Variants in CSDE1 observed in about 807,000 individuals in gnomAD.
CSDE1 encodes the protein cold shock domain containing E1.
Under a neutral mutation model 89.3 loss-of-function variants are expected in CSDE1, and 17 were observed. The ratio of observed to expected loss-of-function variants is 0.19; its 90% CI spans 0.13 to 0.29. The LOEUF (loss-of-function observed/expected upper bound fraction) is 0.29, where lower values mean the gene tolerates loss of function less well. Ranked by LOEUF, CSDE1 falls within the 10% of genes least tolerant of loss-of-function variation. CSDE1 has a pLI of 1.00. For synonymous variants in CSDE1, 322 were observed against 332.8 expected, an observed-to-expected ratio of 0.97 and a Z score of 0.35; for missense variants, 672 against 984.2, an observed-to-expected ratio of 0.68 and a Z score of 4.24.
intron 19 of CSDE1, 21 bp from the exon 20 acceptor site, chr1:114,718,237 A>C: frequency 3.1e-6 from 5 of 1,609,236 alleles, no homozygotes; most frequent in Non-Finnish European, 4.2e-6. Flanking sequence ...GAGAAAAAAA[A>C]AACCCTGCAG....
At chr1:114,720,492 C>A in intron 17 of CSDE1, 47 bp downstream of exon 17, 3 of 1,462,570 alleles carry the variant, frequency 2.1e-6, no homozygotes, top group South Asian at 1.4e-5. Flanking sequence ...TTTTGGTTAC[C>A]AACTCATAGA....
In CSDE1 at chr1:114,718,093, G is replaced by T; in HGVS notation, c.*76C>A. ...TCCAGATTTCGGGAGGGATGAAGAG[G>T]GAGATATTCAGAACCCTTCACCAGA... On this transcript the variant is annotated 3_prime_UTR_variant, in exon 20 of 20. Coordinates refer to ENST00000358528, the MANE Select transcript of CSDE1 (RefSeq NM_001007553.3). 6.8e-7 allele frequency: 1 copy of T among 1,462,988 alleles called. No individual in the cohort carries two copies. Among genetic ancestry groups the T allele is most frequent in the Non-Finnish European group, 9.6e-7 (1 of 1,045,036 alleles). The allele number at this position is 1,462,988 out of a possible 1,614,324, so 90.6% of individuals were successfully genotyped here.
chr1:114,746,167 A>G (rs1473338799), intron 2 of CSDE1, among the ~76,000 whole-genome samples: 1 of 152,202 alleles, frequency 6.6e-6, no homozygotes, highest in Non-Finnish European at 1.5e-5. Flanking sequence ...TTTTCTGAAC[A>G]CAACCATTTT....
At chr1:114,733,298 T>C (rs1469339536) in intron 9 of CSDE1, among the ~76,000 whole-genome samples, 2 of 151,952 alleles carry the variant, frequency 1.3e-5, no homozygotes, top group East Asian at 3.9e-4. Flanking sequence ...GAGGCCAAGG[T>C]GGACAGATCG....
intron 12 of CSDE1, 45 bp from the exon 13 acceptor site, chr1:114,727,135 C>T: frequency 7.3e-7 from 1 of 1,364,980 alleles, no homozygotes; most frequent in Non-Finnish European, 1.0e-6. Context: ...ATCTCAAGAA[C>T]AAAAACCAAT....
intron 1 of CSDE1, among the ~76,000 whole-genome samples, chr1:114,750,597 A>T (rs1375657829): frequency 6.6e-6 from 1 of 152,226 alleles, no homozygotes; most frequent in African/African-American, 2.4e-5. Flanking sequence ...CATGGAAAAA[A>T]AAAACAGAGT....
intron 1 of CSDE1, among the ~76,000 whole-genome samples, chr1:114,757,437 G>A (rs951137819): frequency 6.6e-6 from 1 of 152,080 alleles, no homozygotes; most frequent in African/African-American, 2.4e-5. Flanking sequence ...AGTCAAAGTA[G>A]GCCCCTCTTC....
At chr1:114,737,317 T>G (rs979773580) in intron 5 of CSDE1, among the ~76,000 whole-genome samples, 154 bp downstream of exon 5, 5 of 152,184 alleles carry the variant, frequency 3.3e-5, no homozygotes, top group African/African-American at 1.2e-4. Context: ...TCTTTTTAAA[T>G]TTTTTGATTA....
chr1:114,731,931 C>G (rs981838579), intron 10 of CSDE1, among the ~76,000 whole-genome samples: 1 of 152,168 alleles, frequency 6.6e-6, no homozygotes, highest in Admixed American at 6.5e-5. Context: ...TCTCCTGTCT[C>G]AGCCTCCTGA....
rs530853347 is a variant in CSDE1, at chr1:114,754,762, C to G, written c.-388+3163G>C. On this transcript the variant is annotated intron_variant, in intron 1 of 19. Coordinates refer to ENST00000358528, the MANE Select transcript of CSDE1 (RefSeq NM_001007553.3). ...GTAAAAATAAAAAATCAAACTGACA[C>G]AACTATCTTTTTGTATCTGTGTAGT... Among the ~76,000 whole-genome samples the G allele has an allele frequency of 3.7e-4, 57 of 152,334 alleles. 1 individual carries two copies. The highest frequency in any genetic ancestry group is 3.4e-3 in the Middle Eastern group (1 of 294).
At chr1:114,721,403 A>G (rs1659513209) in intron 16 of CSDE1, among the ~76,000 whole-genome samples, 1 of 152,232 alleles carries the variant, frequency 6.6e-6, no homozygotes, top group South Asian at 2.1e-4. Flanking sequence ...CCTGCCCTAC[A>G]GTATGAAGTT....
chr1:114,737,226 T>TA (rs1660454112), intron 5 of CSDE1, among the ~76,000 whole-genome samples: 2 of 151,990 alleles, frequency 1.3e-5, no homozygotes, highest in African/African-American at 4.8e-5. Flanking sequence ...AAAAAGTGAT[T>TA]AAAAGGAACA....
Position 114,733,722 on chromosome 1 carries a change from GATT to G in CSDE1, c.837+7_837+9del. ...GGCGAAATAGGACTCTCCTGAAAAA[GATT>G]ATTTACCTGGTTTTTACTGGGTACT... On this transcript the variant is annotated splice_region_variant and intron_variant, in intron 9 of 19. Transcript: ENST00000358528. 2 of 1,611,748 alleles carry G rather than the reference GATT, an allele frequency of 1.2e-6. No homozygotes were observed. Among genetic ancestry groups the G allele is most frequent in the Non-Finnish European group, 8.5e-7 (1 of 1,179,124 alleles).
At chr1:114,731,732 G>T (rs1660111025) in intron 10 of CSDE1, among the ~76,000 whole-genome samples, 1 of 152,214 alleles carries the variant, frequency 6.6e-6, no homozygotes, top group African/African-American at 2.4e-5. Context: ...TTAATTGCAA[G>T]CTTGTCCAAA....
chr1:114,752,391 C>A (rs567462579), intron 1 of CSDE1, among the ~76,000 whole-genome samples: 3 of 152,130 alleles, frequency 2.0e-5, no homozygotes, highest in Middle Eastern at 3.4e-3. Context: ...CAAACAAAAA[C>A]CAACAAAATC....
At chr1:114,737,200 C>T (rs1660451999) in intron 5 of CSDE1, among the ~76,000 whole-genome samples, 1 of 151,784 alleles carries the variant, frequency 6.6e-6, no homozygotes, top group Admixed American at 6.6e-5. Context: ...GAAAAAGATC[C>T]CCCCCACAAC....
chr1:114,744,491 T>C (rs1570944490), intron 2 of CSDE1, among the ~76,000 whole-genome samples: 1 of 151,730 alleles, frequency 6.6e-6, no homozygotes, highest in African/African-American at 2.4e-5. Flanking sequence ...GGGTGGGAGG[T>C]TCACCAGAGC....
chr1:114,747,264 C>T (rs188142243), intron 2 of CSDE1, among the ~76,000 whole-genome samples: 2 of 152,140 alleles, frequency 1.3e-5, no homozygotes. Context: ...TTTACAAAAC[C>T]CCCCTTTAAA....
At chr1:114,723,809 A>G (rs1190543458) in intron 16 of CSDE1, 74 bp downstream of exon 16, 2 of 1,595,178 alleles carry the variant, frequency 1.3e-6, no homozygotes, top group East Asian at 2.2e-5. Context: ...AATAAGCACC[A>G]TATTTTAAAA....
Sources: allele counts gnomAD v4.1 joint callset (sites outside exome capture counted in the v4.1 genomes callset), GRCh38; gene constraint gnomAD v4.1.1; transcripts MANE v1.5; gene names NCBI Gene and HGNC (gene_info 2026-07-23, HGNC 2026-07-21).